SLC2A5: variants seen among roughly 807,000 people sequenced by gnomAD.
SLC2A5 encodes the protein solute carrier family 2 member 5.
A neutral mutation model predicts 50.3 loss-of-function variants in SLC2A5; 56 were observed. That is an observed-to-expected ratio of 1.11 (90% CI 0.90 to 1.39). The LOEUF (loss-of-function observed/expected upper bound fraction) is 1.39. SLC2A5 is among the 40% of genes most tolerant of loss of function. The pLI is 0.00. For synonymous variants in SLC2A5, 269 were observed against 281.9 expected (o/e 0.95, Z 0.46); for missense variants, 566 against 650.1 (o/e 0.87, Z 1.41).
At chr1:9,050,229 A>AT (rs1641535382) in intron 3 of SLC2A5, among the ~76,000 whole-genome samples, 1 of 151,762 alleles carries the variant, frequency 6.6e-6, no homozygotes, top group Non-Finnish European at 1.5e-5. Flanking sequence ...GTGAGCTGAG[A>AT]TTATGCCACT....
chr1:9,077,016 T>A (rs1490477265), intron 2 of SLC2A5, among the ~76,000 whole-genome samples: 1 of 151,450 alleles, frequency 6.6e-6, no homozygotes, highest in Non-Finnish European at 1.5e-5. Flanking sequence ...CTCGAACTCC[T>A]GACCTCGTGA....
upstream of SLC2A5, among the ~76,000 whole-genome samples, chr1:9,071,347 T>C (rs926875306): frequency 1.3e-5 from 2 of 151,858 alleles, no homozygotes; most frequent in African/African-American, 4.8e-5. Context: ...GAGGCGGAGG[T>C]TGCAGCGCAC....
upstream of SLC2A5, among the ~76,000 whole-genome samples, chr1:9,071,148 G>A (rs559096152): frequency 1.3e-5 from 2 of 152,152 alleles, no homozygotes; most frequent in African/African-American, 4.8e-5. Context: ...GGTGGCTCAC[G>A]CCTGTAATCC....
the SLC2A5 span, among the ~76,000 whole-genome samples, chr1:9,093,578 C>G: frequency 2.0e-5 from 3 of 152,214 alleles, no homozygotes; most frequent in Non-Finnish European, 2.9e-5. Context: ...TCTATGGGAC[C>G]TATGGCTTCA....
intron 3 of SLC2A5, among the ~76,000 whole-genome samples, chr1:9,052,600 T>TA (rs1641606471): frequency 1.3e-5 from 2 of 152,168 alleles, no homozygotes; most frequent in African/African-American, 2.4e-5. Context: ...TTGTAACAAA[T>TA]ACAGCGCTCT....
chr1:9,072,878 C>T (rs1021530896), upstream of SLC2A5, among the ~76,000 whole-genome samples: 2 of 151,646 alleles, frequency 1.3e-5, no homozygotes, highest in East Asian at 3.9e-4. Context: ...AGGAGAATCG[C>T]TTGAACCCAA....
chr1:9,053,577 T>C (rs1236558724), intron 3 of SLC2A5, among the ~76,000 whole-genome samples: 8 of 120,170 alleles, frequency 6.7e-5, no homozygotes, highest in Admixed American at 1.3e-4. Context: ...TATTTATATA[T>C]ATATTTTTTA....
intron 3 of SLC2A5, among the ~76,000 whole-genome samples, chr1:9,055,195 T>C (rs1375836306): frequency 6.6e-6 from 1 of 151,950 alleles, no homozygotes; most frequent in Non-Finnish European, 1.5e-5. Flanking sequence ...ACAGTGTCTC[T>C]CTGTGCACCA....
chr1:9,048,246 C>T (rs899813489), intron 3 of SLC2A5, among the ~76,000 whole-genome samples: 8 of 152,148 alleles, frequency 5.3e-5, no homozygotes, highest in Admixed American at 3.3e-4. Context: ...TGGTGGCTCA[C>T]GCCTGTAATC....
At position 9,037,635 on chromosome 1, in the gene SLC2A5, G is replaced by A. The variant is rs756692822; in HGVS notation, c.1457C>T (p.Pro486Leu). 5.6e-5 allele frequency: 91 copies of A among 1,614,106 alleles called. No individual in the cohort carries two copies. Among genetic ancestry groups the A allele is most frequent in the Non-Finnish European group, 7.1e-5 (84 of 1,180,014 alleles). The change falls in exon 12 of 12, where the codon CCG becomes CTG. Residue 486 changes from proline to leucine, a missense_variant. By Grantham distance (98) the Pro-to-Leu change is moderately conservative. Transcript: ENST00000377424. ...TKMNKVSEVY[P>L]EKEELKELPP... ...AAGCTCTTTCAGTTCCTCCTTTTCC[G>A]GGTACACTTCAGACACCTTATTCAT...
intron 3 of SLC2A5, 127 bp downstream of exon 3, chr1:9,057,321 A>T: frequency 1.9e-6 from 1 of 514,768 alleles, no homozygotes; most frequent in South Asian, 7.7e-5. Context: ...AAAAAGAAAG[A>T]AAAAAGAAAA....
chr1:9,087,264 G>A (rs182129917), intron 1 of SLC2A5, among the ~76,000 whole-genome samples: 1 of 151,056 alleles, frequency 6.6e-6, no homozygotes, highest in African/African-American at 2.4e-5. Flanking sequence ...GAGTGCAGTG[G>A]TGCAATCTTG....
chr1:9,083,459 G>T (rs1228048492), intron 2 of SLC2A5, among the ~76,000 whole-genome samples: 1 of 152,234 alleles, frequency 6.6e-6, no homozygotes, highest in Admixed American at 6.5e-5. Flanking sequence ...GCTGGCTAAG[G>T]CCGACTGGAA....
intron 1 of SLC2A5, among the ~76,000 whole-genome samples, chr1:9,061,641 A>G (rs1036707273): frequency 4.6e-5 from 7 of 151,468 alleles, no homozygotes; most frequent in South Asian, 2.1e-4. Context: ...TTCTCTTCTC[A>G]GTAAGACGAA....
chr1:9,042,254 C>T (rs997787815), intron 4 of SLC2A5, among the ~76,000 whole-genome samples: 2 of 152,068 alleles, frequency 1.3e-5, no homozygotes, highest in African/African-American at 4.8e-5. Context: ...TGAGGAGGGT[C>T]TGTTTCATAA....
chr1:9,069,916 A>G (rs1309265144), upstream of SLC2A5: 1 of 185,990 alleles, frequency 5.4e-6, no homozygotes, highest in Non-Finnish European at 1.1e-5. Context: ...TCCACCCTAC[A>G]TGACACCAGG....
At chr1:9,071,158 C>G (rs776323507), upstream of SLC2A5, among the ~76,000 whole-genome samples, 44 of 152,250 alleles carry the variant, frequency 2.9e-4, no homozygotes, top group Non-Finnish European at 5.9e-4. Context: ...GCCTGTAATC[C>G]CAGCACCTGG....
Position 9,036,247 on chromosome 1 carries a change from C to T in SLC2A5, c.*1339G>A, listed in dbSNP as rs1641131773. ...GGTGTGCAGTGATGCAATCATGACT[C>T]AGGGCAGCCTTGACCTCCCAGGCTC... On this transcript the variant is annotated 3_prime_UTR_variant, in exon 12 of 12. Transcript: ENST00000377424. 6.6e-6 allele frequency: 1 copy of T among 152,206 alleles called. No homozygotes were observed. Among genetic ancestry groups the T allele is most frequent in the African/African-American group, 2.4e-5 (1 of 41,428 alleles). The allele number at this position is 152,206 out of a possible 1,614,324, so 9.4% of individuals were successfully genotyped here. A position where few individuals can be genotyped will look rare whatever the true frequency, so the allele number is the denominator to read the frequency against.
chr1:9,076,432 T>G lies in SLC2A5; in HGVS notation c.-58-6838A>C, dbSNP rs555756697. ...ATTGTAAAACCGCATAGGATTCAAG[T>G]GGTCCTTGCCAGTCATTTCTCCCCT... On this transcript the variant is annotated intron_variant, in intron 2 of 5. Transcript: ENST00000464985. Among the ~76,000 whole-genome samples, 3 of 152,342 alleles carry G rather than the reference T, an allele frequency of 2.0e-5. No homozygotes were observed. The South Asian group carries it at 6.2e-4, about 32-fold the overall frequency.
Sources: allele counts gnomAD v4.1 joint callset (sites outside exome capture counted in the v4.1 genomes callset), GRCh38; gene constraint gnomAD v4.1.1; transcripts MANE v1.5; gene names NCBI Gene and HGNC (gene_info 2026-07-23, HGNC 2026-07-21).